Variants in ARHGAP24 observed in about 807,000 individuals in gnomAD.
ARHGAP24 encodes rho GTPase-activating protein 24.
A neutral mutation model predicts 76.4 loss-of-function variants in ARHGAP24; 50 were observed. That is an observed-to-expected ratio of 0.65 (90% CI 0.52 to 0.83). The LOEUF (loss-of-function observed/expected upper bound fraction) is 0.83. ARHGAP24 is among the 40% of genes least tolerant of loss of function. The probability of loss-of-function intolerance (pLI) is 0.00; values close to 1 mark genes in which losing one functional copy is unlikely to be tolerated. For missense variants in ARHGAP24, 930 were observed against 914.2 expected, an observed-to-expected ratio of 1.02 and a Z score of -0.22; for synonymous variants, 345 against 323.3, an observed-to-expected ratio of 1.07 and a Z score of -0.72.
chr4:85,497,016 G>A (rs1035157570), intron 1 of ARHGAP24, among the ~76,000 whole-genome samples: 6 of 152,214 alleles, frequency 3.9e-5, no homozygotes, highest in African/African-American at 4.8e-5. Context: ...GAGAATATTG[G>A]ATATTTGGCA....
At chr4:85,570,321 T>C (rs970124734) in intron 1 of ARHGAP24, among the ~76,000 whole-genome samples, 2 of 151,760 alleles carry the variant, frequency 1.3e-5, no homozygotes, top group Admixed American at 6.6e-5. Flanking sequence ...CTCTTTCTCT[T>C]TCTCTCTCTC....
chr4:85,923,197 A>G (rs28713621), intron 3 of ARHGAP24, among the ~76,000 whole-genome samples: 46,467 of 151,812 alleles, frequency 0.31, 7,349 homozygotes, highest in South Asian at 0.5. Context: ...CCCATATCCA[A>G]TCACGATGTC....
chr4:85,895,119 G>A (rs957637410), intron 3 of ARHGAP24, among the ~76,000 whole-genome samples: 6 of 151,572 alleles, frequency 4.0e-5, no homozygotes. Context: ...CTGCTTGGGT[G>A]ATTACTGCAC....
In ARHGAP24 at chr4:85,687,019, G is replaced by C. The variant is rs183478376; in HGVS notation, c.181-34866G>C. Among the ~76,000 whole-genome samples, 323 of 152,114 alleles carry C rather than the reference G, an allele frequency of 2.1e-3. 3 individuals carry two copies. The highest frequency in any genetic ancestry group is 7.4e-3 in the African/African-American group (308 of 41,510). ...CTTGTCAATATTGGCATGGGATGGA[G>C]GGGGGAGAAAACATACCTGTATCAA... On this transcript the variant is annotated intron_variant, in intron 2 of 9. Transcript: ENST00000395184.
At position 85,906,310 on chromosome 4, in the gene ARHGAP24, G is replaced by T. The variant is rs57282562; in HGVS notation, c.269-17338G>T. ...AGGACACCCATGTCATATGGCTGGA[G>T]ATGGTGTGCTTACTTGGTGGAAACT... On this transcript the variant is annotated intron_variant, in intron 3 of 9. Transcript: ENST00000395184. Among the ~76,000 whole-genome samples the T allele has an allele frequency of 8.0e-3, 1,221 of 152,244 alleles. 15 individuals carry two copies. The highest frequency in any genetic ancestry group is 0.026 in the African/African-American group (1,063 of 41,546).
chr4:85,948,878 G>A (rs529297515), intron 5 of ARHGAP24, among the ~76,000 whole-genome samples: 4 of 152,118 alleles, frequency 2.6e-5, no homozygotes, highest in African/African-American at 9.6e-5. Context: ...GAGACTCTTT[G>A]ACCAGCTAGA....
At chr4:85,709,329 A>G (rs977201764) in intron 2 of ARHGAP24, among the ~76,000 whole-genome samples, 3 of 152,156 alleles carry the variant, frequency 2.0e-5, no homozygotes, top group African/African-American at 7.2e-5. Flanking sequence ...TTAATTATTA[A>G]TATCATAACA....
At chr4:85,726,806 C>G (rs1433791327) in intron 3 of ARHGAP24, among the ~76,000 whole-genome samples, 1 of 152,146 alleles carries the variant, frequency 6.6e-6, no homozygotes, top group African/African-American at 2.4e-5. Context: ...ATGAGGCAAG[C>G]AATGTCATTA....
chr4:85,817,906 T>A (rs1729308786), intron 3 of ARHGAP24, among the ~76,000 whole-genome samples: 1 of 152,206 alleles, frequency 6.6e-6, no homozygotes, highest in South Asian at 2.1e-4. Flanking sequence ...TAAGAAAATG[T>A]TATAATATTG....
At position 85,721,471 on chromosome 4, in the gene ARHGAP24, G is replaced by C. The variant is rs376754709; in HGVS notation, c.181-414G>C. Among the ~76,000 whole-genome samples, 25 of 151,616 alleles carry C rather than the reference G, an allele frequency of 1.6e-4. No individual in the cohort carries two copies. The East Asian group carries it at 4.3e-3, about 26-fold the overall frequency. Reference sequence around the variant, plus strand: ...AAGAGAAGAGAGAAGAGATAATCAAGAGAAGGCTTATCACAACTATGTCTA... The same window carrying C: ...AAGAGAAGAGAGAAGAGATAATCAACAGAAGGCTTATCACAACTATGTCTA... On this transcript the variant is annotated intron_variant, in intron 2 of 9. Transcript: ENST00000395184.
intron 2 of ARHGAP24, chr4:85,604,433 G>A (rs1199381773): frequency 1.3e-5 from 2 of 152,106 alleles, no homozygotes; most frequent in Non-Finnish European, 2.9e-5. Flanking sequence ...AATTAACTTT[G>A]GTAACCAGCC....
At chr4:85,894,630 A>T (rs1734039100) in intron 3 of ARHGAP24, among the ~76,000 whole-genome samples, 1 of 152,198 alleles carries the variant, frequency 6.6e-6, no homozygotes, top group African/African-American at 2.4e-5. Context: ...TAAAGTATTT[A>T]GCAGGATGAG....
intron 1 of ARHGAP24, among the ~76,000 whole-genome samples, chr4:85,514,046 G>T (rs1266901818): frequency 6.6e-6 from 1 of 152,164 alleles, no homozygotes; most frequent in Non-Finnish European, 1.5e-5. Flanking sequence ...CCTTTTGAAA[G>T]TCTTTGTGGA....
chr4:85,931,710 T>TG (rs1473701843), intron 4 of ARHGAP24, among the ~76,000 whole-genome samples: 1 of 152,160 alleles, frequency 6.6e-6, no homozygotes, highest in Admixed American at 6.5e-5. Context: ...TTGACTTATT[T>TG]GGGGGGAGTT....
Position 85,707,495 on chromosome 4 carries a change from A to G in ARHGAP24, c.181-14390A>G, listed in dbSNP as rs559274808. On this transcript the variant is annotated intron_variant, in intron 2 of 9. Transcript: ENST00000395184. ...ATGCTCCATTGATTCTTTGGTGGTT[A>G]TAATAATCATAAAATACAAGTTGAT... 4.6e-5 allele frequency among the ~76,000 whole-genome samples: 7 copies of G among 152,352 alleles called. No individual in the cohort carries two copies. In the East Asian group the frequency reaches 1.3e-3, roughly 29 times the overall value.
chr4:85,877,011 A>T (rs536228212), intron 3 of ARHGAP24, among the ~76,000 whole-genome samples: 1 of 152,252 alleles, frequency 6.6e-6, no homozygotes, highest in African/African-American at 2.4e-5. Flanking sequence ...CTACATTATC[A>T]TTAGGTTCAG....
chr4:85,508,314 A>T (rs1376149837), intron 1 of ARHGAP24, among the ~76,000 whole-genome samples: 1 of 152,242 alleles, frequency 6.6e-6, no homozygotes, highest in East Asian at 1.9e-4. Context: ...AAGATACTGC[A>T]TTGTTTTATG....
intron 3 of ARHGAP24, among the ~76,000 whole-genome samples, chr4:85,870,692 G>GTA (rs969789418): frequency 6.6e-6 from 1 of 151,964 alleles, no homozygotes; most frequent in Non-Finnish European, 1.5e-5. Context: ...AGTGTTCTGA[G>GTA]TATATATATA....
At chr4:85,942,708 A>G (rs955459554) in intron 5 of ARHGAP24, among the ~76,000 whole-genome samples, 4 of 152,192 alleles carry the variant, frequency 2.6e-5, no homozygotes, top group Non-Finnish European at 5.9e-5. Context: ...TTTTAAATAT[A>G]TAGCTCTACT....
Sources: gnomAD v4.1 joint callset for allele counts (sites outside exome capture counted in the v4.1 genomes callset) on GRCh38, gnomAD v4.1.1 for gene constraint, MANE v1.5 for transcripts, NCBI Gene and HGNC (gene_info 2026-07-23, HGNC 2026-07-21) for gene names.